Variants in CAST observed in about 807,000 individuals in gnomAD.
The protein encoded by CAST is MIR583 host.
Under a neutral mutation model 119.6 loss-of-function variants are expected in CAST, and 76 were observed. The ratio of observed to expected loss-of-function variants is 0.64; its 90% CI spans 0.53 to 0.77. CAST has a LOEUF of 0.77. CAST is among the 30% of genes least tolerant of loss of function. CAST has a pLI of 0.00. For synonymous variants in CAST, 319 were observed against 331.6 expected, an observed-to-expected ratio of 0.96 and a Z score of 0.41; for missense variants, 953 against 946.5, an observed-to-expected ratio of 1.01 and a Z score of -0.09.
intron 1 of CAST, among the ~76,000 whole-genome samples, chr5:96,584,146 C>A (rs945962682): frequency 3.3e-5 from 5 of 152,136 alleles, no homozygotes; most frequent in Admixed American, 6.5e-5. Context: ...GAGATGGTTT[C>A]AAGATGAAAC....
chr5:96,665,741 CATACACACACACACACACAT>C (rs765222728), intron 1 of CAST, among the ~76,000 whole-genome samples: 6,303 of 151,442 alleles, frequency 0.042, 175 homozygotes, highest in Middle Eastern at 0.092. Context: ...CACACACACA[CATACACACACACACACACAT>C]ATACATACAC....
the CAST span, among the ~76,000 whole-genome samples, chr5:95,983,601 A>C: frequency 6.6e-6 from 1 of 152,196 alleles, no homozygotes; most frequent in Admixed American, 6.5e-5. Flanking sequence ...AATACAGATT[A>C]CTCCATTTTT....
chr5:96,576,635 G>A (rs562471329), intron 1 of CAST, among the ~76,000 whole-genome samples: 19 of 151,990 alleles, frequency 1.3e-4, no homozygotes, highest in South Asian at 6.3e-4. Flanking sequence ...GTGAGCCACC[G>A]CACCTGACAT....
At chr5:96,238,579 T>C in the CAST span, among the ~76,000 whole-genome samples, 4 of 150,592 alleles carry the variant, frequency 2.7e-5, no homozygotes, top group South Asian at 8.4e-4. Flanking sequence ...TTTGTATTTT[T>C]AGTAGAGATG....
intron 1 of CAST, among the ~76,000 whole-genome samples, chr5:96,533,369 G>A (rs1745727240): frequency 6.6e-6 from 1 of 152,082 alleles, no homozygotes; most frequent in African/African-American, 2.4e-5. Flanking sequence ...GAAAAAAGAA[G>A]GCCCACAGAG....
chr5:96,115,864 A>G, the CAST span, among the ~76,000 whole-genome samples: 1 of 152,090 alleles, frequency 6.6e-6, no homozygotes, highest in Admixed American at 6.5e-5. Flanking sequence ...TATTTCAAAG[A>G]GCAAGATTTT....
the CAST span, among the ~76,000 whole-genome samples, chr5:96,400,527 CACTT>C: frequency 3.2e-4 from 49 of 152,304 alleles, no homozygotes; most frequent in African/African-American, 1.2e-3. Flanking sequence ...TAAATGGTAA[CACTT>C]TCTTTATGCC....
intron 29 of CAST, chr5:96,769,009 T>C (rs1011150907): frequency 6.6e-6 from 1 of 152,228 alleles, no homozygotes; most frequent in Admixed American, 6.5e-5. Flanking sequence ...CAAAACGTGA[T>C]TAAAAGTGAA....
At chr5:96,349,636 A>G in the CAST span, among the ~76,000 whole-genome samples, 1 of 152,330 alleles carries the variant, frequency 6.6e-6, no homozygotes, top group East Asian at 1.9e-4. Flanking sequence ...ACTATTTTCA[A>G]TTGCATACTT....
chr5:96,557,095 T>C (rs1339198619), intron 1 of CAST, among the ~76,000 whole-genome samples: 1 of 152,030 alleles, frequency 6.6e-6, no homozygotes, highest in African/African-American at 2.4e-5. Flanking sequence ...CAGAATTTCG[T>C]ATCCAGCCAA....
the CAST span, among the ~76,000 whole-genome samples, chr5:96,004,714 G>T: frequency 6.6e-6 from 1 of 152,146 alleles, no homozygotes; most frequent in Admixed American, 6.5e-5. Flanking sequence ...TTACCTCAAA[G>T]AACTTCTGGT....
At chr5:96,557,421 GATAA>G (rs1280060486) in intron 1 of CAST, among the ~76,000 whole-genome samples, 6 of 152,016 alleles carry the variant, frequency 3.9e-5, no homozygotes, top group African/African-American at 1.4e-4. Context: ...TGGCAAATTG[GATAA>G]ATAGTCAAGA....
chr5:96,681,462 G>A (rs1241574399), intron 2 of CAST, among the ~76,000 whole-genome samples: 1 of 151,814 alleles, frequency 6.6e-6, no homozygotes, highest in Non-Finnish European at 1.5e-5. Context: ...GGCCGGGCGC[G>A]GTGGCTCACG....
chr5:96,684,073 A>G (rs1751762397), intron 2 of CAST, among the ~76,000 whole-genome samples: 1 of 152,186 alleles, frequency 6.6e-6, no homozygotes, highest in Admixed American at 6.5e-5. Context: ...TTTAGGGTCC[A>G]ATGCCTGGAT....
At chr5:96,734,617 C>T (rs1761260668) in intron 9 of CAST, among the ~76,000 whole-genome samples, 1 of 152,102 alleles carries the variant, frequency 6.6e-6, no homozygotes. Context: ...AGGTTGGTAG[C>T]CACACGGTAA....
chr5:96,619,376 A>T (rs1380562833), intron 1 of CAST, among the ~76,000 whole-genome samples: 1 of 147,178 alleles, frequency 6.8e-6, no homozygotes, highest in Non-Finnish European at 1.5e-5. Flanking sequence ...TGGACCAATC[A>T]GCTCTCTGTA....
At chr5:96,327,892 T>C in the CAST span, among the ~76,000 whole-genome samples, 1 of 152,174 alleles carries the variant, frequency 6.6e-6, no homozygotes, top group Non-Finnish European at 1.5e-5. Flanking sequence ...AATTACATCA[T>C]ATATTTGGAA....
the CAST span, among the ~76,000 whole-genome samples, chr5:96,153,616 A>G: frequency 6.6e-6 from 1 of 152,240 alleles, no homozygotes; most frequent in Non-Finnish European, 1.5e-5. Context: ...GAAAATGTGC[A>G]TAAGAATTTC....
the CAST span, among the ~76,000 whole-genome samples, chr5:96,509,540 T>C: frequency 6.6e-6 from 1 of 152,224 alleles, no homozygotes; most frequent in Non-Finnish European, 1.5e-5. Context: ...CTTTGAGCTC[T>C]GGTGCTTCTG....
Sources: gnomAD v4.1 joint callset for allele counts (sites outside exome capture counted in the v4.1 genomes callset) on GRCh38, gnomAD v4.1.1 for gene constraint, MANE v1.5 for transcripts, NCBI Gene and HGNC (gene_info 2026-07-23, HGNC 2026-07-21) for gene names.